CFI: variants seen among roughly 807,000 people sequenced by gnomAD.
The protein encoded by CFI is complement factor I, also known as C3B/C4B inactivator.
A neutral mutation model predicts 78.8 loss-of-function variants in CFI; 66 were observed. That is an observed-to-expected ratio of 0.84 (90% confidence interval 0.69 to 1.03). CFI has a LOEUF of 1.03. Among genes scored for constraint, CFI ranks in the 50% least tolerant of loss-of-function variants. The pLI is 0.00. For missense variants in CFI, 706 were observed against 704.5 expected (o/e 1.00, Z -0.02); for synonymous variants, 250 against 232.6 (o/e 1.07, Z -0.68).
intron 6 of CFI, among the ~76,000 whole-genome samples, chr4:109,758,797 G>A (rs1726643682): frequency 6.6e-6 from 1 of 152,174 alleles, no homozygotes; most frequent in Non-Finnish European, 1.5e-5. Context: ...GACTCATCAA[G>A]AATTCTTGCC....
chr4:109,764,756 C>T, intron 2 of CFI, 66 bp from the exon 3 acceptor site: 2 of 1,422,948 alleles, frequency 1.4e-6, no homozygotes, highest in Non-Finnish European at 1.9e-6. Flanking sequence ...AATTAAAAGT[C>T]TTTAAAAATA....
At position 109,740,770 on chromosome 4, in the gene CFI, A is replaced by T; in HGVS notation, c.*123T>A. 1.1e-6 allele frequency: 1 copy of T among 924,192 alleles called. No homozygotes were observed. Among genetic ancestry groups the T allele is most frequent in the African/African-American group, 1.6e-5 (1 of 61,084 alleles). The allele number at this position is 924,192 out of a possible 1,614,324, so 57.2% of individuals were successfully genotyped here. On this transcript the variant is annotated 3_prime_UTR_variant, in exon 13 of 13. Coordinates refer to ENST00000394634, the MANE Select transcript of CFI (RefSeq NM_000204.5). Reference sequence around the variant, plus strand: ...TGGCATAAACTCTGTGGAGACCTTTAAAAATATCCAGTGAGATTTGCTTCA... The same window carrying T: ...TGGCATAAACTCTGTGGAGACCTTTTAAAATATCCAGTGAGATTTGCTTCA...
At chr4:109,744,254 G>A (rs182703325) in intron 11 of CFI, among the ~76,000 whole-genome samples, 23 of 152,262 alleles carry the variant, frequency 1.5e-4, no homozygotes, top group Admixed American at 7.8e-4. Flanking sequence ...TATGAAAATG[G>A]TGTTGTGTCC....
Position 109,780,308 on chromosome 4 carries a change from A to C in CFI, c.58-13484T>G, listed in dbSNP as rs570261451. ...CTCAAACAAATTTACAAGAAAAAAT[A>C]AAAAAACCCCATCAAAAAGTGGTCG... is the stretch of plus-strand genomic sequence containing the variant. On this transcript the variant is annotated intron_variant, in intron 1 of 12. Coordinates refer to ENST00000394634, the MANE Select transcript of CFI (RefSeq NM_000204.5). Among the ~76,000 whole-genome samples the C allele has an allele frequency of 2.0e-4, 30 of 152,118 alleles. No individual in the cohort carries two copies. In the South Asian group the frequency reaches 6.0e-3, roughly 31 times the overall value.
At chr4:109,780,727 G>A (rs554916610) in intron 1 of CFI, among the ~76,000 whole-genome samples, 2 of 152,274 alleles carry the variant, frequency 1.3e-5, no homozygotes, top group Admixed American at 1.3e-4. Flanking sequence ...ATTCACAATA[G>A]CAAAGACTTG....
chr4:109,797,618 A>C (rs1732224934), intron 1 of CFI, among the ~76,000 whole-genome samples: 1 of 152,202 alleles, frequency 6.6e-6, no homozygotes. Context: ...CAAAATGAAA[A>C]GACAACATAT....
At chr4:109,734,817 G>T in the CFI span, among the ~76,000 whole-genome samples, 2 of 151,836 alleles carry the variant, frequency 1.3e-5, no homozygotes, top group African/African-American at 2.4e-5. Context: ...AAAAAGAAAA[G>T]AAAAGAAATG....
At chr4:109,750,060 G>A (rs986533995) in intron 8 of CFI, among the ~76,000 whole-genome samples, 6 of 151,728 alleles carry the variant, frequency 4.0e-5, no homozygotes, top group Admixed American at 1.3e-4. Context: ...GCAATGGCAC[G>A]ATCTCAGCTC....
At chr4:109,776,412 C>A (rs527710430) in intron 1 of CFI, among the ~76,000 whole-genome samples, 7 of 151,868 alleles carry the variant, frequency 4.6e-5, no homozygotes, top group African/African-American at 7.3e-5. Flanking sequence ...CGAGAAGAGA[C>A]GTTTAGAGAA....
At chr4:109,777,758 A>T (rs1228718036) in intron 1 of CFI, among the ~76,000 whole-genome samples, 1 of 152,222 alleles carries the variant, frequency 6.6e-6, no homozygotes, top group Non-Finnish European at 1.5e-5. Flanking sequence ...CAAATGTAAA[A>T]GAACAGAAAT....
chr4:109,785,814 A>C (rs1730670299), intron 1 of CFI, among the ~76,000 whole-genome samples: 1 of 152,048 alleles, frequency 6.6e-6, no homozygotes. Flanking sequence ...TGATGGTTTC[A>C]TAAGGGGCTC....
chr4:109,785,388 G>GA (rs1343601092), intron 1 of CFI, among the ~76,000 whole-genome samples: 3 of 152,012 alleles, frequency 2.0e-5, no homozygotes, highest in Admixed American at 2.0e-4. Flanking sequence ...TCTTTGTGTT[G>GA]AAAATTTTGT....
At chr4:109,752,546 A>T in intron 7 of CFI, 43 bp from the exon 8 acceptor site, 1 of 1,512,078 alleles carries the variant, frequency 6.6e-7, no homozygotes, top group Non-Finnish European at 9.2e-7. Context: ...GTTGTTAATT[A>T]TAGTCAAAAT....
intron 1 of CFI, 89 bp downstream of exon 1, chr4:109,801,826 C>A: frequency 2.3e-6 from 2 of 878,570 alleles, no homozygotes; most frequent in South Asian, 3.4e-5. Flanking sequence ...ATATTTAAAT[C>A]AAAATTATAT....
chr4:109,749,425 A>G (rs1225249920), intron 9 of CFI, 74 bp downstream of exon 9: 2 of 1,478,900 alleles, frequency 1.4e-6, no homozygotes, highest in African/African-American at 1.4e-5. Flanking sequence ...TAATTACATC[A>G]TCCTCCTGCC....
intron 1 of CFI, among the ~76,000 whole-genome samples, chr4:109,773,854 C>T (rs1728892309): frequency 6.6e-6 from 1 of 152,210 alleles, no homozygotes; most frequent in Admixed American, 6.5e-5. Context: ...GAACAATAGA[C>T]CTTCTTAATC....
At chr4:109,737,344 C>T (rs1402695408), downstream of CFI, among the ~76,000 whole-genome samples, 3 of 152,156 alleles carry the variant, frequency 2.0e-5, no homozygotes, top group Non-Finnish European at 4.4e-5. Flanking sequence ...AGGGCCTTTG[C>T]ATTTGTATCT....
intron 1 of CFI, among the ~76,000 whole-genome samples, chr4:109,772,248 G>A (rs1213235670): frequency 2.0e-5 from 3 of 152,206 alleles, no homozygotes; most frequent in Admixed American, 2.0e-4. Flanking sequence ...AAAAGAATTG[G>A]TAAGTCACAT....
At position 109,764,648 on chromosome 4, in the gene CFI, T is replaced by C; in HGVS notation, c.371A>G (p.Glu124Gly). ...VSLKHGNTDS[E>G]GIVEVKLVDQ... is the part of the protein sequence containing the mutation. ...CACAAGTTTTACTTCAACTATTCCC[T>C]CTGAATCTGTATTTCCATGCTTCAA... is the stretch of plus-strand genomic sequence containing the variant. The change falls in exon 3 of 13, where the codon GAG (glutamate) becomes GGG (glycine). Residue 124 changes from glutamate (E) to glycine (G), a missense_variant. Physicochemically the swap from Glu to Gly is moderately conservative, Grantham distance 98. Transcript: ENST00000394634. 6.2e-7 allele frequency: 1 copy of C among 1,614,032 alleles called. No individual in the cohort carries two copies. Among genetic ancestry groups the C allele is most frequent in the Non-Finnish European group, 8.5e-7 (1 of 1,179,976 alleles).
Sources: gnomAD v4.1 joint callset for allele counts (sites outside exome capture counted in the v4.1 genomes callset) on GRCh38, gnomAD v4.1.1 for gene constraint, MANE v1.5 for transcripts, NCBI Gene and HGNC (gene_info 2026-07-23, HGNC 2026-07-21) for gene names.